COL6A6: variants seen among roughly 807,000 people sequenced by gnomAD.
The protein encoded by COL6A6 is collagen type VI alpha 6 chain.
A neutral mutation model predicts 208.6 loss-of-function variants in COL6A6; 183 were observed. That is an observed-to-expected ratio of 0.88 (90% CI 0.78 to 0.99). The LOEUF (loss-of-function observed/expected upper bound fraction) is 0.99. COL6A6 is among the 50% of genes least tolerant of loss of function. The pLI is 0.00. For synonymous variants in COL6A6, 973 were observed against 1,011.8 expected (o/e 0.96, Z 0.73); for missense variants, 2,816 against 2,815.2 (o/e 1.00, Z -0.01).
Position 130,602,036 on chromosome 3 carries a change from A to C in COL6A6, c.4653+2226A>C, listed in dbSNP as rs150411390. ...GAATATACACATAGGGCCATAGTTC[A>C]ACAGAGGAGGCAAAATGAGAAACTG... On this transcript the variant is annotated intron_variant, in intron 20 of 36. Transcript: ENST00000358511. Among the ~76,000 whole-genome samples, 192 of 152,342 alleles carry C rather than the reference A, an allele frequency of 1.3e-3. 1 individual carries two copies. Among genetic ancestry groups the C allele is most frequent in the African/African-American group, 4.4e-3 (183 of 41,572 alleles).
At chr3:130,611,815 A>G (rs992855049) in intron 23 of COL6A6, among the ~76,000 whole-genome samples, 2 of 152,224 alleles carry the variant, frequency 1.3e-5, no homozygotes, top group African/African-American at 4.8e-5. Flanking sequence ...GTCTAGGTGT[A>G]CACGTGCAGG....
chr3:130,648,325 A>C (rs1576393606), intron 32 of COL6A6, among the ~76,000 whole-genome samples: 1 of 152,248 alleles, frequency 6.6e-6, no homozygotes, highest in Non-Finnish European at 1.5e-5. Flanking sequence ...GTCTGGAATG[A>C]TAATTATAAC....
At chr3:130,546,002 A>G (rs1320760316) in intron 1 of COL6A6, among the ~76,000 whole-genome samples, 1 of 151,806 alleles carries the variant, frequency 6.6e-6, no homozygotes, top group African/African-American at 2.4e-5. Context: ...ATTATCGGAG[A>G]TTCCAGGGTT....
intron 23 of COL6A6, among the ~76,000 whole-genome samples, chr3:130,619,504 TG>T (rs1481571563): frequency 2.0e-5 from 3 of 152,234 alleles, no homozygotes; most frequent in Admixed American, 6.5e-5. Context: ...TGAGGGATTT[TG>T]CATATTAAGA....
intron 26 of COL6A6, 66 bp from the exon 27 acceptor site, chr3:130,634,524 G>GA: frequency 7.0e-7 from 1 of 1,433,052 alleles, no homozygotes. Context: ...CAGGTAAATT[G>GA]AAAATCAATG....
At chr3:130,592,847 C>G (rs894263688) in intron 15 of COL6A6, 125 bp downstream of exon 15, 1 of 984,374 alleles carries the variant, frequency 1.0e-6, no homozygotes, top group Non-Finnish European at 1.5e-6. Flanking sequence ...TTATTGCCAG[C>G]CATTTCATTT....
At chr3:130,664,809 A>C (rs537964349) in intron 35 of COL6A6, among the ~76,000 whole-genome samples, 194 bp from the exon 36 acceptor site, 23 of 152,336 alleles carry the variant, frequency 1.5e-4, no homozygotes, top group African/African-American at 5.3e-4. Context: ...CTATAAATTC[A>C]GAAGGGATGT....
At chr3:130,538,831 C>A (rs76777265) in intron 1 of COL6A6, among the ~76,000 whole-genome samples, 123 of 152,320 alleles carry the variant, frequency 8.1e-4, no homozygotes, top group African/African-American at 2.9e-3. Context: ...ATCCCCTGCT[C>A]AGAATTTCTC....
chr3:130,661,505 T>C (rs2065929015), intron 34 of COL6A6, 132 bp from the exon 35 acceptor site: 1 of 696,690 alleles, frequency 1.4e-6, no homozygotes. Flanking sequence ...GAAATCTTCC[T>C]GTTACTATTA....
chr3:130,579,760 A>G (rs1251748561), intron 8 of COL6A6, among the ~76,000 whole-genome samples: 1 of 152,156 alleles, frequency 6.6e-6, no homozygotes, highest in Non-Finnish European at 1.5e-5. Flanking sequence ...AACCTGTGTC[A>G]TGGAAGACTT....
chr3:130,605,827 C>T (rs922131365), intron 20 of COL6A6, among the ~76,000 whole-genome samples: 5 of 152,148 alleles, frequency 3.3e-5, no homozygotes, highest in African/African-American at 1.2e-4. Context: ...AGGTGAAAGG[C>T]ATGTCTTACA....
At position 130,665,068 on chromosome 3, in the gene COL6A6, C is replaced by T. The variant is rs769483412; in HGVS notation, c.6568C>T (p.Pro2190Ser). 2 of 1,610,756 alleles carry T rather than the reference C, an allele frequency of 1.2e-6. No homozygotes were observed. Among genetic ancestry groups the T allele is most frequent in the Non-Finnish European group, 8.5e-7 (1 of 1,178,308 alleles). The change falls in exon 36 of 37, where the codon CCA becomes TCA. Residue 2190 changes from proline to serine, a missense_variant. Transcript: ENST00000358511. ...IKCNRLNSID[P>S]KQPPRPFRSF... is the part of the protein sequence containing the mutation. ...GTGCAACAGACTTAACTCTATAGAT[C>T]CAAAGCAGCCCCCACGACCATTCCG... is the stretch of plus-strand genomic sequence containing the variant.
At chr3:130,621,639 ATT>A (rs2064719022) in intron 23 of COL6A6, among the ~76,000 whole-genome samples, 180 bp from the exon 24 acceptor site, 1 of 152,186 alleles carries the variant, frequency 6.6e-6, no homozygotes, top group East Asian at 1.9e-4. Flanking sequence ...GAATTACTTT[ATT>A]AATTTTCTTT....
At chr3:130,653,016 T>G (rs768044673) in intron 33 of COL6A6, among the ~76,000 whole-genome samples, 1 of 152,242 alleles carries the variant, frequency 6.6e-6, no homozygotes, top group African/African-American at 2.4e-5. Flanking sequence ...AAGTTTTTCA[T>G]GATAGTATGA....
intron 21 of COL6A6, among the ~76,000 whole-genome samples, chr3:130,607,394 A>G (rs948816710): frequency 2.0e-5 from 3 of 152,206 alleles, no homozygotes; most frequent in Admixed American, 1.3e-4. Context: ...TAAATCAAAA[A>G]CCATATCCCA....
At chr3:130,531,043 CACACACACACACACACAG>C (rs1559954733) in intron 1 of COL6A6, among the ~76,000 whole-genome samples, 7 of 17,064 alleles carry the variant, frequency 4.1e-4, no homozygotes, top group South Asian at 3.7e-3. Context: ...CACACAGACA[CACACACACACACACACAG>C]TCTCTCTCTC....
At chr3:130,593,161 G>A (rs764737706) in intron 16 of COL6A6, 38 bp from the exon 17 acceptor site, 23 of 1,611,398 alleles carry the variant, frequency 1.4e-5, no homozygotes, top group African/African-American at 5.3e-5. Flanking sequence ...TTATGAAAAC[G>A]AGAATTCTAT....
intron 1 of COL6A6, among the ~76,000 whole-genome samples, chr3:130,553,939 G>A (rs7636257): frequency 0.023 from 3,561 of 152,026 alleles, 133 homozygotes; most frequent in East Asian, 0.073. Context: ...GTATTGACTG[G>A]CATCATTTCT....
At chr3:130,537,071 G>T (rs1027922848) in intron 1 of COL6A6, among the ~76,000 whole-genome samples, 1 of 152,170 alleles carries the variant, frequency 6.6e-6, no homozygotes, top group African/African-American at 2.4e-5. Flanking sequence ...GTGAGTAGTG[G>T]TACCACTTAC....
Sources: allele counts gnomAD v4.1 joint callset (sites outside exome capture counted in the v4.1 genomes callset), GRCh38; gene constraint gnomAD v4.1.1; transcripts MANE v1.5; gene names NCBI Gene and HGNC (gene_info 2026-07-23, HGNC 2026-07-21).